Variants in ZFAND3 observed in about 807,000 individuals in gnomAD.
The protein encoded by ZFAND3 is AN1-type zinc finger protein 3.
ZFAND3 carries 10 observed loss-of-function variants against 29.6 expected under a neutral mutation model. The ratio of observed to expected loss-of-function variants is 0.34; its 90% CI spans 0.21 to 0.57. The LOEUF is 0.57. ZFAND3 is among the 20% of genes least tolerant of loss of function. ZFAND3 has a pLI of 0.86. For missense variants in ZFAND3, 230 were observed against 304.5 expected, an observed-to-expected ratio of 0.76 and a Z score of 1.82; for synonymous variants, 128 against 112.6, an observed-to-expected ratio of 1.14 and a Z score of -0.87.
chr6:37,956,688 G>C (rs1762090729), intron 2 of ZFAND3, among the ~76,000 whole-genome samples: 1 of 152,164 alleles, frequency 6.6e-6, no homozygotes, highest in African/African-American at 2.4e-5. Context: ...GAAAGCTGTG[G>C]ATCCCTTCAG....
chr6:37,908,542 T>TAAAA (rs70981504), intron 1 of ZFAND3, among the ~76,000 whole-genome samples: 3 of 124,130 alleles, frequency 2.4e-5, no homozygotes, highest in Non-Finnish European at 5.0e-5. Flanking sequence ...AAAAAAAAAT[T>TAAAA]AAAAAAAAAA....
chr6:38,125,012 C>T (rs1765608566), intron 5 of ZFAND3, among the ~76,000 whole-genome samples: 1 of 152,166 alleles, frequency 6.6e-6, no homozygotes, highest in African/African-American at 2.4e-5. Context: ...TTACCTGTGA[C>T]TCAAGAGAAG....
intron 1 of ZFAND3, among the ~76,000 whole-genome samples, chr6:37,886,769 C>T (rs575392776): frequency 2.0e-5 from 3 of 152,152 alleles, no homozygotes; most frequent in South Asian, 2.1e-4. Context: ...CCAAGGTGGG[C>T]GCATCACTTG....
chr6:37,902,573 C>T (rs1765338351), intron 1 of ZFAND3, among the ~76,000 whole-genome samples: 2 of 152,128 alleles, frequency 1.3e-5, no homozygotes, highest in African/African-American at 4.8e-5. Context: ...CATATCTTTT[C>T]AGGTGTGTTA....
intron 1 of ZFAND3, among the ~76,000 whole-genome samples, chr6:37,908,758 AAAG>A (rs1484069000): frequency 1.3e-5 from 2 of 150,842 alleles, no homozygotes; most frequent in African/African-American, 2.4e-5. Flanking sequence ...AAAAAAAAAA[AAAG>A]AAAAGTTTGA....
chr6:37,934,254 C>T (rs1761653912), intron 2 of ZFAND3, among the ~76,000 whole-genome samples: 1 of 151,798 alleles, frequency 6.6e-6, no homozygotes, highest in Non-Finnish European at 1.5e-5. Context: ...GCCATCTCAG[C>T]TCACTGCAGC....
chr6:37,821,927 G>T (rs543502641), intron 1 of ZFAND3, among the ~76,000 whole-genome samples: 1 of 152,148 alleles, frequency 6.6e-6, no homozygotes, highest in Non-Finnish European at 1.5e-5. Context: ...TGCACCTCCC[G>T]GGTTCAAGCA....
chr6:37,986,464 C>T (rs759043180), intron 2 of ZFAND3, among the ~76,000 whole-genome samples: 1 of 152,136 alleles, frequency 6.6e-6, no homozygotes, highest in South Asian at 2.1e-4. Context: ...ACTACCAGTA[C>T]CTGCTGTGCA....
chr6:38,047,076 A>G (rs1282787411), intron 2 of ZFAND3, among the ~76,000 whole-genome samples: 3 of 152,066 alleles, frequency 2.0e-5, no homozygotes, highest in Non-Finnish European at 4.4e-5. Flanking sequence ...TAATCCCAGC[A>G]TTTTGGGAGG....
At chr6:38,056,457 C>T (rs1764136432) in intron 2 of ZFAND3, among the ~76,000 whole-genome samples, 1 of 152,106 alleles carries the variant, frequency 6.6e-6, no homozygotes, top group African/African-American at 2.4e-5. Flanking sequence ...GATTGGGGGT[C>T]TAAGCATCTT....
chr6:37,880,124 A>G (rs1764864657), intron 1 of ZFAND3, among the ~76,000 whole-genome samples: 1 of 152,224 alleles, frequency 6.6e-6, no homozygotes, highest in Non-Finnish European at 1.5e-5. Flanking sequence ...TGAATGGACA[A>G]AAAGCCAATA....
intron 2 of ZFAND3, among the ~76,000 whole-genome samples, chr6:38,033,355 T>A (rs1561973663): frequency 6.6e-6 from 1 of 152,166 alleles, no homozygotes; most frequent in Admixed American, 6.6e-5. Flanking sequence ...AATTTTGCCT[T>A]TCTCTGTGTA....
At chr6:38,061,249 T>C (rs1004787838) in intron 2 of ZFAND3, among the ~76,000 whole-genome samples, 3 of 152,248 alleles carry the variant, frequency 2.0e-5, no homozygotes, top group East Asian at 1.9e-4. Flanking sequence ...TTTTTCCTTA[T>C]GACCTTTCCT....
At chr6:38,092,753 G>A (rs1561996109) in intron 4 of ZFAND3, among the ~76,000 whole-genome samples, 2 of 152,322 alleles carry the variant, frequency 1.3e-5, no homozygotes, top group Middle Eastern at 3.4e-3. Flanking sequence ...CTAAATCACA[G>A]TAATGAGACC....
At chr6:38,129,726 A>G (rs187103019) in intron 5 of ZFAND3, among the ~76,000 whole-genome samples, 2 of 150,702 alleles carry the variant, frequency 1.3e-5, no homozygotes, top group Admixed American at 1.3e-4. Context: ...CTACGGCCTT[A>G]TAGTTTAGTT....
chr6:38,098,572 C>T (rs1765029308), intron 4 of ZFAND3, among the ~76,000 whole-genome samples: 1 of 151,692 alleles, frequency 6.6e-6, no homozygotes, highest in African/African-American at 2.4e-5. Context: ...ACGATCTTGG[C>T]TCACTGCAAC....
At chr6:38,133,583 A>G (rs1317168484) in intron 5 of ZFAND3, among the ~76,000 whole-genome samples, 1 of 152,036 alleles carries the variant, frequency 6.6e-6, no homozygotes, top group East Asian at 1.9e-4. Context: ...CCCTGTCTCT[A>G]CTAAAAATAC....
At chr6:38,090,051 C>T (rs1764833214) in intron 4 of ZFAND3, among the ~76,000 whole-genome samples, 1 of 152,160 alleles carries the variant, frequency 6.6e-6, no homozygotes, top group African/African-American at 2.4e-5. Flanking sequence ...CGGGGTTTCA[C>T]CATGTTGGCC....
chr6:38,143,414 A>G (rs1045008817), intron 5 of ZFAND3, among the ~76,000 whole-genome samples: 5 of 152,258 alleles, frequency 3.3e-5, no homozygotes, highest in Admixed American at 6.5e-5. Flanking sequence ...AGGGCTCTCA[A>G]TCACCGCTGA....
Sources: gnomAD v4.1 joint callset for allele counts (sites outside exome capture counted in the v4.1 genomes callset) on GRCh38, gnomAD v4.1.1 for gene constraint, MANE v1.5 for transcripts, NCBI Gene and HGNC (gene_info 2026-07-23, HGNC 2026-07-21) for gene names.